The following SNX24 variants were observed in gnomAD, a reference collection of about 807,000 sequenced individuals.
SNX24 encodes sorting nexin-24.
In SNX24, 22 loss-of-function variants were observed where a neutral mutation model predicts 28.7. That is an observed-to-expected ratio of 0.77 (90% confidence interval 0.55 to 1.10). SNX24 has a LOEUF of 1.10. SNX24 is among the 50% of genes least tolerant of loss of function. The pLI, the probability that SNX24 is intolerant of heterozygous loss-of-function variation, is 0.00. For missense variants in SNX24, 221 were observed against 201.1 expected, an observed-to-expected ratio of 1.10 and a Z score of -0.60; for synonymous variants, 69 against 71.5, an observed-to-expected ratio of 0.96 and a Z score of 0.18.
intron 2 of SNX24, among the ~76,000 whole-genome samples, chr5:122,941,481 A>G (rs1005778743): frequency 1.3e-5 from 2 of 152,144 alleles, no homozygotes; most frequent in Non-Finnish European, 2.9e-5. Flanking sequence ...AAACCAAGAC[A>G]TTGCAAGTTC....
At chr5:123,025,876 C>G (rs1581872186) in intron 5 of SNX24, 1 of 1,614,104 alleles carries the variant, frequency 6.2e-7, no homozygotes, top group Middle Eastern at 1.6e-4. Flanking sequence ...CCATTGGTGT[C>G]AGGCCCAGCG....
chr5:123,015,234 T>G (rs1762659642), intron 5 of SNX24, among the ~76,000 whole-genome samples: 1 of 152,212 alleles, frequency 6.6e-6, no homozygotes, highest in African/African-American at 2.4e-5. Flanking sequence ...CAGCCTATGT[T>G]CTGGCCCCCA....
At chr5:122,933,436 C>G (rs548729432) in intron 1 of SNX24, among the ~76,000 whole-genome samples, 1 of 152,344 alleles carries the variant, frequency 6.6e-6, no homozygotes, top group African/African-American at 2.4e-5. Context: ...TCCCAGCTCC[C>G]TTTCCTTAAA....
Position 122,930,816 on chromosome 5 carries a change from C to T in SNX24, c.61-5918C>T, listed in dbSNP as rs150311102. ...ATACACACACACATACATTTAATCACGTCCAACTCTTACATAGGTATTTTG... is the reference window on the plus strand; with the variant it reads ...ATACACACACACATACATTTAATCATGTCCAACTCTTACATAGGTATTTTG... On this transcript the variant is annotated intron_variant, in intron 1 of 6. Transcript: ENST00000261369. 8.0e-4 allele frequency among the ~76,000 whole-genome samples: 122 copies of T among 152,272 alleles called. 1 individual carries two copies. Among genetic ancestry groups the T allele is most frequent in the African/African-American group, 2.6e-3 (109 of 41,556 alleles).
chr5:122,879,558 A>C (rs1756383199), intron 1 of SNX24, among the ~76,000 whole-genome samples: 1 of 152,210 alleles, frequency 6.6e-6, no homozygotes, highest in Non-Finnish European at 1.5e-5. Context: ...CTTCAGACTC[A>C]GTTTCCCTCT....
At chr5:122,985,207 A>G (rs1006025026) in intron 3 of SNX24, among the ~76,000 whole-genome samples, 1 of 152,152 alleles carries the variant, frequency 6.6e-6, no homozygotes, top group Non-Finnish European at 1.5e-5. Context: ...GTTGAGTCTT[A>G]TGTACATAGT....
intron 1 of SNX24, among the ~76,000 whole-genome samples, chr5:122,851,340 A>G (rs1450310193): frequency 6.6e-6 from 1 of 151,672 alleles, no homozygotes. Context: ...AATTTTTTGT[A>G]TTTTTAGTAG....
chr5:122,864,678 G>T (rs1405363296), intron 1 of SNX24, among the ~76,000 whole-genome samples: 2 of 152,228 alleles, frequency 1.3e-5, no homozygotes, highest in Non-Finnish European at 2.9e-5. Flanking sequence ...CACAAGATCA[G>T]ATGAGCCAGT....
intron 5 of SNX24, among the ~76,000 whole-genome samples, chr5:123,026,654 C>G (rs1263352144): frequency 6.6e-6 from 1 of 152,162 alleles, no homozygotes; most frequent in Non-Finnish European, 1.5e-5. Flanking sequence ...CTTCAGGACC[C>G]ATCAGGACAC....
At chr5:122,859,345 T>C (rs154512) in intron 1 of SNX24, among the ~76,000 whole-genome samples, 122,461 of 152,090 alleles carry the variant, frequency 0.81, 50,090 homozygotes, top group East Asian at 0.99. Flanking sequence ...AGCTCATGCC[T>C]GTGATCCCAG....
chr5:122,987,264 A>G (rs397731), intron 3 of SNX24, among the ~76,000 whole-genome samples: 33,900 of 152,074 alleles, frequency 0.22, 4,820 homozygotes, highest in Non-Finnish European at 0.33. Flanking sequence ...TGGTTCCTGG[A>G]TCAGTAGCTT....
At chr5:122,890,950 A>G (rs1581711705) in intron 1 of SNX24, 9 of 1,249,088 alleles carry the variant, frequency 7.2e-6, no homozygotes, top group Non-Finnish European at 8.2e-6. Flanking sequence ...TTCTGCAAGG[A>G]TTTTAAAGTA....
chr5:122,880,428 T>A (rs1170896308), intron 1 of SNX24, among the ~76,000 whole-genome samples: 1 of 152,206 alleles, frequency 6.6e-6, no homozygotes, highest in Non-Finnish European at 1.5e-5. Context: ...ATGCCCTTTA[T>A]CTGTTAGTCA....
At chr5:122,862,411 C>A (rs371363235) in intron 1 of SNX24, among the ~76,000 whole-genome samples, 2 of 151,796 alleles carry the variant, frequency 1.3e-5, no homozygotes, top group African/African-American at 2.4e-5. Flanking sequence ...GTCAGGAGAT[C>A]GAGACCATCC....
At chr5:122,906,774 C>T (rs1442667180) in intron 1 of SNX24, among the ~76,000 whole-genome samples, 4 of 152,196 alleles carry the variant, frequency 2.6e-5, no homozygotes, top group African/African-American at 4.8e-5. Context: ...TCCCAAAGTG[C>T]TGGGATTACA....
intron 3 of SNX24, among the ~76,000 whole-genome samples, chr5:122,947,854 T>TG (rs1291429064): frequency 2.6e-5 from 4 of 152,346 alleles, no homozygotes; most frequent in Non-Finnish European, 5.9e-5. Flanking sequence ...TCTACTCTGT[T>TG]CCCCTCATTG....
chr5:122,982,885 G>T (rs1022127494), intron 3 of SNX24: 8 of 152,022 alleles, frequency 5.3e-5, no homozygotes, highest in Non-Finnish European at 1.0e-4. Context: ...ATTAAATATT[G>T]TGTAGGCATT....
chr5:123,011,540 A>G (rs996399662), downstream of SNX24, among the ~76,000 whole-genome samples: 6 of 152,250 alleles, frequency 3.9e-5, no homozygotes, highest in Non-Finnish European at 7.3e-5. Context: ...ATATGATCAC[A>G]CTTTTGAAAT....
intron 1 of SNX24, among the ~76,000 whole-genome samples, chr5:122,895,718 C>T (rs246275): frequency 0.78 from 118,346 of 152,198 alleles, 47,055 homozygotes; most frequent in East Asian, 0.99. Flanking sequence ...TCACCATGTT[C>T]CTCAACTAGC....
Sources: allele counts gnomAD v4.1 joint callset (sites outside exome capture counted in the v4.1 genomes callset), GRCh38; gene constraint gnomAD v4.1.1; transcripts MANE v1.5; gene names NCBI Gene and HGNC (gene_info 2026-07-23, HGNC 2026-07-21).